MYH11: variants seen among roughly 807,000 people sequenced by gnomAD.
The protein encoded by MYH11 is myosin heavy chain 11, also known as myosin-11.
In MYH11, 80 loss-of-function variants were observed where a neutral mutation model predicts 246.6. That is an observed-to-expected ratio of 0.32 (90% CI 0.27 to 0.39). The LOEUF (loss-of-function observed/expected upper bound fraction) is 0.39. MYH11 is among the 10% of genes least tolerant of loss of function. The pLI is 1.00. For missense variants in MYH11, 2,158 were observed against 2,546.8 expected (o/e 0.85, Z 3.29); for synonymous variants, 1,071 against 1,015.5 (o/e 1.05, Z -1.04).
At chr16:15,852,761 T>C (rs2044363013) in intron 1 of MYH11, among the ~76,000 whole-genome samples, 1 of 152,178 alleles carries the variant, frequency 6.6e-6, no homozygotes, top group Non-Finnish European at 1.5e-5. Context: ...AGACAAAAAG[T>C]CCAAGGATGA....
intron 20 of MYH11, among the ~76,000 whole-genome samples, chr16:15,743,192 G>A (rs1468609401): frequency 1.4e-5 from 2 of 146,536 alleles, no homozygotes; most frequent in East Asian, 4.2e-4. Flanking sequence ...TTTTTCAGGT[G>A]GAGTCTCGCC....
At chr16:15,745,642 C>T (rs1419120348) in intron 19 of MYH11, among the ~76,000 whole-genome samples, 3 of 134,682 alleles carry the variant, frequency 2.2e-5, no homozygotes, top group Non-Finnish European at 4.6e-5. Flanking sequence ...GGCTGGAGTG[C>T]GGTGGCACGA....
chr16:15,717,483 C>T, intron 37 of MYH11, 135 bp from the exon 38 acceptor site: 2 of 855,112 alleles, frequency 2.3e-6, no homozygotes, highest in Non-Finnish European at 3.7e-6. Flanking sequence ...CTCCTTCATC[C>T]TGTAAAACTC....
At chr16:15,846,000 G>C (rs571935935) in intron 1 of MYH11, among the ~76,000 whole-genome samples, 4 of 152,146 alleles carry the variant, frequency 2.6e-5, no homozygotes, top group Admixed American at 6.6e-5. Context: ...TTGGGAGGCT[G>C]AGTCAGGAGA....
In MYH11 at chr16:15,802,169, T is replaced by TA. The variant is rs578078506; in HGVS notation, c.503-3483dup. ...TATGAAACCATCATGACCACAAAGC[T>TA]AAAAAAAGACAGAAAAGAAAGAGCC... On this transcript the variant is annotated intron_variant, in intron 3 of 40. Coordinates refer to ENST00000300036, the MANE Select transcript of MYH11 (RefSeq NM_002474.3). 2.8e-3 allele frequency among the ~76,000 whole-genome samples: 430 copies of TA among 152,036 alleles called. 2 individuals carry two copies. The highest frequency in any genetic ancestry group is 9.4e-3 in the African/African-American group (390 of 41,432).
chr16:15,828,851 G>C (rs1385452697), intron 2 of MYH11, among the ~76,000 whole-genome samples: 1 of 67,998 alleles, frequency 1.5e-5, no homozygotes, highest in Non-Finnish European at 2.5e-5. Flanking sequence ...AAAGAGAGAT[G>C]AGAGATAGAG....
In MYH11 at chr16:15,823,265, G is replaced by A; in HGVS notation, c.492C>T (p.Ser164=). 2 of 1,614,222 alleles carry A rather than the reference G, an allele frequency of 1.2e-6. No individual in the cohort carries two copies. The highest frequency in any genetic ancestry group is 1.3e-5 in the African/African-American group (1 of 75,064). Residue 164 remains serine (S), a synonymous_variant, in exon 3 of 41, where the codon AGC becomes AGT. Coordinates refer to ENST00000300036, the MANE Select transcript of MYH11 (RefSeq NM_002474.3). Reference sequence around the variant, plus strand: ...CCTGAGTTCACTCACCTTGAAGCATGCTCCGGTAGGCCGTGTCTGCGATGG... The same window carrying A: ...CCTGAGTTCACTCACCTTGAAGCATACTCCGGTAGGCCGTGTCTGCGATGG... ...IYAIADTAYR[S]MLQDREDQSI... is the part of the protein sequence containing the mutation.
At chr16:15,817,345 A>G (rs1403085133) in intron 3 of MYH11, among the ~76,000 whole-genome samples, 1 of 152,120 alleles carries the variant, frequency 6.6e-6, no homozygotes, top group African/African-American at 2.4e-5. Context: ...TACAAAAATT[A>G]GCCAGGCATG....
At chr16:15,763,741 T>TGGGGGCCCCCCCCCCC in intron 10 of MYH11, 55 bp downstream of exon 10, 3 of 646,850 alleles carry the variant, frequency 4.6e-6, no homozygotes, top group African/African-American at 4.3e-5. Context: ...AAATGTCACC[T>TGGGGGCCCCCCCCCCC]CCCCCACCCC....
At chr16:15,832,943 C>CTTTTTTTTTTTTT (rs780380104) in intron 2 of MYH11, among the ~76,000 whole-genome samples, 2 of 55,340 alleles carry the variant, frequency 3.6e-5, no homozygotes, top group Non-Finnish European at 6.4e-5. Context: ...GCAACCTCAT[C>CTTTTTTTTTTTTT]TTTTTTTTTT....
chr16:15,724,398 C>T lies in MYH11; in HGVS notation c.4128G>A (p.Ser1376=), dbSNP rs367595632. 7 of 1,613,784 alleles carry T rather than the reference C, an allele frequency of 4.3e-6. No homozygotes were observed. Among genetic ancestry groups the T allele is most frequent in the African/African-American group, 4.0e-5 (3 of 74,880 alleles). Residue 1376 remains serine, a synonymous_variant, in exon 31 of 41, where the codon TCG becomes TCA. Transcript: ENST00000300036. ...TGGCAAAGTCCTGCAGCTTCTTCTT[C>T]GAGTCGGAGAGCTACAAGGACAGCG... ...ISTLNIQLSD[S]KKKLQDFAST... is the part of the protein sequence containing the mutation.
intron 2 of MYH11, among the ~76,000 whole-genome samples, chr16:15,826,856 G>C (rs144236684): frequency 0.011 from 1,612 of 152,030 alleles, 15 homozygotes; most frequent in Admixed American, 0.037. Flanking sequence ...AGCAGGGCAT[G>C]GTGGCACATG....
At chr16:15,739,914 G>T in intron 23 of MYH11, 137 bp downstream of exon 23, 2 of 917,790 alleles carry the variant, frequency 2.2e-6, no homozygotes, top group Non-Finnish European at 3.4e-6. Flanking sequence ...GCTAATCTTT[G>T]TATTTTTAGT....
intron 2 of MYH11, among the ~76,000 whole-genome samples, chr16:15,832,028 T>G (rs898187887): frequency 6.6e-6 from 1 of 152,106 alleles, no homozygotes; most frequent in Non-Finnish European, 1.5e-5. Context: ...TAGGGACCAG[T>G]GCAGTGGCTG....
rs1406172286 is a variant in MYH11 at position 15,837,558 on chromosome 16, CAG to C, written c.345+348_345+349del. On this transcript the variant is annotated intron_variant, in intron 2 of 40. Coordinates refer to ENST00000300036, the MANE Select transcript of MYH11 (RefSeq NM_002474.3). ...ATTTCCTTTTTTTTTTTTTTTGAGA[CAG>C]AGTCTTATTCTGTCACCCAGGCTGG... 5.2e-5 allele frequency among the ~76,000 whole-genome samples: 6 copies of C among 115,038 alleles called. No homozygotes were observed. In the East Asian group the frequency reaches 1.3e-3, roughly 26 times the overall value. 75.5% of individuals were successfully genotyped at this position (115,038 alleles called of 152,430 possible).
At position 15,786,477 on chromosome 16, in the gene MYH11, G is replaced by A. The variant is rs777611135; in HGVS notation, c.633+153C>T. The A allele has an allele frequency of 1.8e-5, 15 of 828,942 alleles. No homozygotes were observed. The highest frequency in any genetic ancestry group is 4.8e-5 in the East Asian group (2 of 41,388). The allele number at this position is 828,942 out of a possible 1,614,324, so 51.3% of individuals were successfully genotyped here. On this transcript the variant is annotated intron_variant, in intron 5 of 40. Transcript: ENST00000300036. ...TCACCCACACTCAACAGGCCTGCTC[G>A]CCAAAAAGACGGTCCCTCTTTGAGT...
At chr16:15,781,182 G>A (rs754832670) in intron 6 of MYH11, among the ~76,000 whole-genome samples, 11 of 152,122 alleles carry the variant, frequency 7.2e-5, no homozygotes, top group Non-Finnish European at 1.5e-4. Context: ...CTGGGACTAC[G>A]GGCATGAGCC....
intron 40 of MYH11, among the ~76,000 whole-genome samples, chr16:15,708,562 T>G (rs2039594550): frequency 6.6e-6 from 1 of 152,210 alleles, no homozygotes; most frequent in Admixed American, 6.5e-5. Context: ...CTGTTGGGTG[T>G]CATGTCACAT....
rs760708640 is a variant in MYH11 at position 15,756,529 on chromosome 16, T to C, written c.1576-15A>G. ...GGAGGGTTGTTCTGTGGGAGACAAG[T>C]AGGGCTTGAATCAGAGAGAACACCC... On this transcript the variant is annotated splice_polypyrimidine_tract_variant and intron_variant, in intron 13 of 40. Coordinates refer to ENST00000300036, the MANE Select transcript of MYH11 (RefSeq NM_002474.3). 26 of 1,613,962 alleles carry C rather than the reference T, an allele frequency of 1.6e-5. No homozygotes were observed. Among genetic ancestry groups the C allele is most frequent in the South Asian group, 1.1e-4 (10 of 91,082 alleles).
Sources: allele counts gnomAD v4.1 joint callset (sites outside exome capture counted in the v4.1 genomes callset), GRCh38; gene constraint gnomAD v4.1.1; transcripts MANE v1.5; gene names NCBI Gene and HGNC (gene_info 2026-07-23, HGNC 2026-07-21).